Variants in CCDC172 observed in about 807,000 individuals in gnomAD.
CCDC172 encodes the protein coiled-coil domain-containing protein 172.
A neutral mutation model predicts 38.0 loss-of-function variants in CCDC172; 30 were observed. The ratio of observed to expected loss-of-function variants is 0.79; its 90% confidence interval spans 0.59 to 1.07. CCDC172 has a LOEUF of 1.07. CCDC172 is among the 50% of genes least tolerant of loss of function. CCDC172 has a pLI of 0.00. For missense variants in CCDC172, 297 were observed against 290.1 expected (o/e 1.02, Z -0.17); for synonymous variants, 78 against 88.3 (o/e 0.88, Z 0.66).
intron 3 of CCDC172, among the ~76,000 whole-genome samples, chr10:116,335,937 G>A (rs925290528): frequency 2.6e-5 from 4 of 151,974 alleles, no homozygotes; most frequent in South Asian, 2.1e-4. Context: ...GAGGCCAAGG[G>A]GGGTGGATCA....
chr10:116,369,875 T>A (rs992174068), intron 7 of CCDC172, among the ~76,000 whole-genome samples: 3 of 152,010 alleles, frequency 2.0e-5, no homozygotes, highest in African/African-American at 7.2e-5. Context: ...AAGAGTTTGT[T>A]GTCAAGTTTT....
intron 7 of CCDC172, among the ~76,000 whole-genome samples, chr10:116,369,400 CT>C (rs1201971647): frequency 2.0e-5 from 3 of 152,044 alleles, no homozygotes; most frequent in Non-Finnish European, 2.9e-5. Flanking sequence ...TCCTGTGTTT[CT>C]TTTTCCAAAA....
chr10:116,341,432 A>T (rs1003411825), intron 4 of CCDC172, among the ~76,000 whole-genome samples: 3 of 152,012 alleles, frequency 2.0e-5, no homozygotes, highest in African/African-American at 7.2e-5. Flanking sequence ...AAATATGGTA[A>T]TGTTTATATT....
chr10:116,375,297 T>TTTA (rs536243056), intron 7 of CCDC172, among the ~76,000 whole-genome samples: 12 of 151,904 alleles, frequency 7.9e-5, no homozygotes, highest in East Asian at 7.7e-4. Flanking sequence ...ATATTTTCTT[T>TTTA]TTATTATTAT....
Position 116,325,291 on chromosome 10 carries a change from T to C in CCDC172, c.80-12T>C, listed in dbSNP as rs1234415691. The C allele has an allele frequency of 6.2e-7, 1 of 1,608,470 alleles. No individual in the cohort carries two copies. The highest frequency in any genetic ancestry group is 1.1e-5 in the South Asian group (1 of 90,596). On this transcript the variant is annotated splice_polypyrimidine_tract_variant and intron_variant, in intron 2 of 8. Transcript: ENST00000333254. The stretch of plus-strand genomic sequence containing the variant: ...AAGATTGATGTGTTTAAAGATTTAA[T>C]TTTTATTACAGTAAGGTCGGAAATA...
chr10:116,369,946 T>C (rs1845166573), intron 7 of CCDC172, among the ~76,000 whole-genome samples: 1 of 151,964 alleles, frequency 6.6e-6, no homozygotes, highest in Admixed American at 6.6e-5. Flanking sequence ...TTTGCAACTC[T>C]TCATTATGAG....
intron 5 of CCDC172, among the ~76,000 whole-genome samples, chr10:116,351,140 G>C: frequency 6.6e-6 from 1 of 151,982 alleles, no homozygotes; most frequent in East Asian, 1.9e-4. Context: ...CATCATTCTT[G>C]CCTAAGTTTT....
chr10:116,337,758 A>C (rs557564726), intron 3 of CCDC172, among the ~76,000 whole-genome samples: 1 of 152,022 alleles, frequency 6.6e-6, no homozygotes, highest in East Asian at 1.9e-4. Flanking sequence ...TATCTTCCCA[A>C]CTCTGATCTC....
At chr10:116,363,543 C>T (rs559457071) in intron 7 of CCDC172, among the ~76,000 whole-genome samples, 1 of 152,064 alleles carries the variant, frequency 6.6e-6, no homozygotes, top group African/African-American at 2.4e-5. Flanking sequence ...AAAAGTCAGT[C>T]CATGGAAAAA....
intron 4 of CCDC172, among the ~76,000 whole-genome samples, chr10:116,341,412 T>C (rs1416912496): frequency 6.6e-6 from 1 of 152,090 alleles, no homozygotes; most frequent in Non-Finnish European, 1.5e-5. Context: ...TTCATTGACA[T>C]AGCTTAGAAA....
chr10:116,333,561 G>C (rs1844692327), intron 3 of CCDC172, among the ~76,000 whole-genome samples: 1 of 152,166 alleles, frequency 6.6e-6, no homozygotes, highest in Non-Finnish European at 1.5e-5. Context: ...GATGTGTGGT[G>C]ATAGGTAAGG....
intron 8 of CCDC172, among the ~76,000 whole-genome samples, chr10:116,378,916 T>C (rs759458325): frequency 1.7e-4 from 26 of 152,134 alleles, no homozygotes; most frequent in Admixed American, 9.2e-4. Context: ...CCTAAAACTT[T>C]CTTATTGCGT....
intron 5 of CCDC172, among the ~76,000 whole-genome samples, chr10:116,343,508 A>G (rs1214409266): frequency 8.5e-6 from 1 of 118,102 alleles, no homozygotes; most frequent in African/African-American, 3.3e-5. Flanking sequence ...CCCTTCTCTG[A>G]TCATTCGTTT....
Position 116,375,219 on chromosome 10 carries a change from T to C in CCDC172, c.654-3204T>C, listed in dbSNP as rs188780018. Among the ~76,000 whole-genome samples, 629 of 152,302 alleles carry C rather than the reference T, an allele frequency of 4.1e-3. 4 individuals are homozygous for C. Among genetic ancestry groups the C allele is most frequent in the Non-Finnish European group, 6.9e-3 (472 of 68,020 alleles). On this transcript the variant is annotated intron_variant, in intron 7 of 8. Coordinates refer to ENST00000333254, the MANE Select transcript of CCDC172 (RefSeq NM_198515.3). ...TGTTGGGTGCTTCATGAATTTTTGC[T>C]GCAAACTCATTGTTCTCAATCTATG... is the stretch of plus-strand genomic sequence containing the variant.
intron 1 of CCDC172, 138 bp from the exon 2 acceptor site, chr10:116,324,809 G>T: frequency 3.5e-6 from 2 of 579,400 alleles, no homozygotes; most frequent in Non-Finnish European, 6.1e-6. Flanking sequence ...AGCGGCCAGC[G>T]TCCCTAGACC....
At chr10:116,340,914 T>A (rs1268864075) in intron 4 of CCDC172, 64 bp downstream of exon 4, 1 of 883,602 alleles carries the variant, frequency 1.1e-6, no homozygotes, top group Non-Finnish European at 1.9e-6. Context: ...TCAAATATAC[T>A]TAAGTATACT....
intron 3 of CCDC172, among the ~76,000 whole-genome samples, chr10:116,339,339 A>C (rs1844766605): frequency 6.6e-6 from 1 of 151,924 alleles, no homozygotes; most frequent in African/African-American, 2.4e-5. Context: ...TTTTATTATC[A>C]TTTACATAAT....
At chr10:116,356,676 T>C (rs1845000817) in intron 5 of CCDC172, among the ~76,000 whole-genome samples, 1 of 152,132 alleles carries the variant, frequency 6.6e-6, no homozygotes, top group Non-Finnish European at 1.5e-5. Flanking sequence ...GAATTGGGAT[T>C]TGTCATGAGA....
At chr10:116,340,571 A>G (rs1202764786) in intron 3 of CCDC172, among the ~76,000 whole-genome samples, 163 bp from the exon 4 acceptor site, 2 of 151,908 alleles carry the variant, frequency 1.3e-5, no homozygotes, top group Non-Finnish European at 2.9e-5. Flanking sequence ...AAATAATACA[A>G]GATAGTGTAT....
Sources: allele counts gnomAD v4.1 joint callset (sites outside exome capture counted in the v4.1 genomes callset), GRCh38; gene constraint gnomAD v4.1.1; transcripts MANE v1.5; gene names NCBI Gene and HGNC (gene_info 2026-07-23, HGNC 2026-07-21).